PPFIA4: variants seen among roughly 807,000 people sequenced by gnomAD.
The protein encoded by PPFIA4 is PPFI scaffold protein A4, also known as liprin-alpha-4.
In PPFIA4, 98 loss-of-function variants were observed where a neutral mutation model predicts 145.7. That is an observed-to-expected ratio of 0.67 (90% CI 0.57 to 0.80). The LOEUF (loss-of-function observed/expected upper bound fraction) is 0.80, where lower values mean the gene tolerates loss of function less well. PPFIA4 is among the 30% of genes least tolerant of loss of function. The probability of loss-of-function intolerance (pLI) is 0.00; values close to 1 mark genes in which losing one functional copy is unlikely to be tolerated. For missense variants in PPFIA4, 1,457 were observed against 1,632.7 expected (o/e 0.89, Z 1.85); for synonymous variants, 628 against 649.6 (o/e 0.97, Z 0.51).
intron 23 of PPFIA4, 59 bp from the exon 24 acceptor site, chr1:203,061,593 G>T: frequency 6.6e-7 from 1 of 1,520,126 alleles, no homozygotes; most frequent in South Asian, 1.2e-5. Flanking sequence ...CTAGGGTAGA[G>T]CTGATGGGTT....
chr1:203,029,288 G>T lies in PPFIA4; in HGVS notation c.-400+2659G>T, dbSNP rs529148340. Among the ~76,000 whole-genome samples the T allele has an allele frequency of 3.9e-5, 6 of 152,342 alleles. No homozygotes were observed. In the South Asian group the frequency reaches 1.2e-3, roughly 32 times the overall value. On this transcript the variant is annotated intron_variant, in intron 1 of 29. Coordinates refer to ENST00000295706, the MANE Select transcript of PPFIA4 (RefSeq NM_001304331.2). ...GTCTCCATCCCCCCAGGTGAAGTCAGCTGTAGCGTGGAATAGCCATCTGCC... is the reference window on the plus strand; with the variant it reads ...GTCTCCATCCCCCCAGGTGAAGTCATCTGTAGCGTGGAATAGCCATCTGCC...
chr1:203,064,853 G>C (rs1014448402), intron 25 of PPFIA4, among the ~76,000 whole-genome samples: 4 of 152,216 alleles, frequency 2.6e-5, no homozygotes, highest in Admixed American at 2.0e-4. Flanking sequence ...TTCCCAGCAG[G>C]CATTTGTGCT....
At position 203,060,960 on chromosome 1, in the gene PPFIA4, C is replaced by G; in HGVS notation, c.2785-10C>G. 1 of 1,613,910 alleles carries G rather than the reference C, an allele frequency of 6.2e-7. No individual in the cohort carries two copies. The highest frequency in any genetic ancestry group is 8.5e-7 in the Non-Finnish European group (1 of 1,179,838). On this transcript the variant is annotated splice_polypyrimidine_tract_variant and intron_variant, in intron 22 of 29. Transcript: ENST00000295706. This position sits in a 1 kb window ranked among gnomAD's most constrained non-coding sequence, Gnocchi z 4.8. The stretch of plus-strand genomic sequence containing the variant: ...ACCCAGGACCAGCTAGGTTTCCTCT[C>G]TGCCTGCAGTCTTCTGGGAATGTCT...
At chr1:203,053,580 T>C (rs1419139881) in intron 14 of PPFIA4, 173 bp from the exon 15 acceptor site, 3 of 609,552 alleles carry the variant, frequency 4.9e-6, no homozygotes, top group Non-Finnish European at 8.6e-6. Flanking sequence ...CACCCAGGGG[T>C]CTTGTTAAAA....
At position 203,038,979 on chromosome 1, in the gene PPFIA4, G is replaced by A. The variant is rs1417515484; in HGVS notation, c.-30G>A. 2 of 1,263,348 alleles carry A rather than the reference G, an allele frequency of 1.6e-6. No individual in the cohort carries two copies. Among genetic ancestry groups the A allele is most frequent in the South Asian group, 2.7e-5 (2 of 73,222 alleles). 78.3% of individuals were successfully genotyped at this position (1,263,348 alleles called of 1,614,324 possible). ...CCCTGTGAGTCCCTCCCTGTCCCCT[G>A]ACGCTGAGAAGGCCCTGCCAACCCC... On this transcript the variant is annotated 5_prime_UTR_variant, in exon 2 of 30. Coordinates refer to ENST00000295706, the MANE Select transcript of PPFIA4 (RefSeq NM_001304331.2).
At chr1:203,059,993 C>A in intron 21 of PPFIA4, 142 bp downstream of exon 21, 1 of 798,896 alleles carries the variant, frequency 1.3e-6, no homozygotes, top group South Asian at 1.6e-5. Flanking sequence ...TTTAGCCCCC[C>A]TCCCCCTCCC....
Position 203,049,655 on chromosome 1 carries a change from AC to A in PPFIA4, c.1420-17del. The stretch of plus-strand genomic sequence containing the variant: ...CTCCCTGGCCCCCACTCCCGCCCCC[AC>A]CCCGGGTCTGCTGGCACAGGGCCGC... On this transcript the variant is annotated intron_variant, in intron 12 of 29. Transcript: ENST00000295706. The A allele has an allele frequency of 1.7e-6, 1 of 579,420 alleles. No homozygotes were observed. Among genetic ancestry groups the A allele is most frequent in the Non-Finnish European group, 2.4e-6 (1 of 409,748 alleles). The allele number at this position is 579,420 out of a possible 1,614,324, so 35.9% of individuals were successfully genotyped here.
At chr1:203,061,220 C>T (rs1416680175) in intron 23 of PPFIA4, 188 bp downstream of exon 23, 2 of 624,046 alleles carry the variant, frequency 3.2e-6, no homozygotes, top group East Asian at 5.5e-5. Flanking sequence ...GGGAGCGGAG[C>T]AGTTTGTATG....
At chr1:203,041,632 G>A (rs1659700463) in intron 2 of PPFIA4, among the ~76,000 whole-genome samples, 1 of 152,182 alleles carries the variant, frequency 6.6e-6, no homozygotes, top group Admixed American at 6.5e-5. Flanking sequence ...TTTGTAGACA[G>A]CAGGGTGTCA....
At chr1:203,051,712 G>C in intron 13 of PPFIA4, 57 bp from the exon 14 acceptor site, 1 of 1,556,120 alleles carries the variant, frequency 6.4e-7, no homozygotes, top group Non-Finnish European at 8.7e-7. Flanking sequence ...CACTGGGTGT[G>C]AGCTGGGGGT....
intron 1 of PPFIA4, among the ~76,000 whole-genome samples, chr1:203,033,244 G>T (rs1658977813): frequency 6.6e-6 from 1 of 152,224 alleles, no homozygotes; most frequent in Admixed American, 6.5e-5. Flanking sequence ...GAGGGGTAAA[G>T]TCTCACTGCT....
chr1:203,045,682 G>C lies in PPFIA4; in HGVS notation c.858+123G>C, dbSNP rs1660029573. 7 of 1,448,840 alleles carry C rather than the reference G, an allele frequency of 4.8e-6. No individual in the cohort carries two copies. The South Asian group carries it at 6.9e-5, about 14-fold the overall frequency. 89.7% of individuals were successfully genotyped at this position (1,448,840 alleles called of 1,614,324 possible). On this transcript the variant is annotated intron_variant, in intron 7 of 29. Transcript: ENST00000295706. ...CCTTGCCTGGCTCCATTGTTGGGGG[G>C]CGGTCATGGAAGGGGTGGGCCAAAG...
At position 203,038,718 on chromosome 1, in the gene PPFIA4, C is replaced by T. The variant is rs1659478311; in HGVS notation, c.-291C>T. 2 of 257,772 alleles carry T rather than the reference C, an allele frequency of 7.8e-6. No homozygotes were observed. The highest frequency in any genetic ancestry group is 1.5e-5 in the Non-Finnish European group (2 of 134,782). 16.0% of individuals were successfully genotyped at this position (257,772 alleles called of 1,614,324 possible). A position where few individuals can be genotyped will look rare whatever the true frequency, so the allele number is the denominator to read the frequency against. Reference sequence around the variant, plus strand: ...CCATCTTCCAGCCCTGCTGTCCCTGCCTGTCATGGCCACATTCGGCTGCTG... The same window carrying T: ...CCATCTTCCAGCCCTGCTGTCCCTGTCTGTCATGGCCACATTCGGCTGCTG... On this transcript the variant is annotated 5_prime_UTR_variant, in exon 2 of 30. Coordinates refer to ENST00000295706, the MANE Select transcript of PPFIA4 (RefSeq NM_001304331.2).
rs943771394 is a variant in PPFIA4, at chr1:203,060,879, G to A, written c.2785-91G>A. 17 of 1,157,830 alleles carry A rather than the reference G, an allele frequency of 1.5e-5. No individual in the cohort carries two copies. Among genetic ancestry groups the A allele is most frequent in the Non-Finnish European group, 2.2e-5 (17 of 773,112 alleles). 71.7% of individuals were successfully genotyped at this position (1,157,830 alleles called of 1,614,324 possible). A position where few individuals can be genotyped will look rare whatever the true frequency, so the allele number is the denominator to read the frequency against. On this transcript the variant is annotated intron_variant, in intron 22 of 29. Transcript: ENST00000295706. The surrounding 1 kb of genome is among the most constrained non-coding windows in gnomAD (Gnocchi z 4.8). ...CCCCCATTTCAGAGGACTCAGGGAG[G>A]GAGCTTTGTCCTTGTCCTTTGGGCT...
At chr1:203,036,424 T>C (rs896680174) in intron 1 of PPFIA4, among the ~76,000 whole-genome samples, 1 of 152,178 alleles carries the variant, frequency 6.6e-6, no homozygotes, top group Non-Finnish European at 1.5e-5. Context: ...GCTGGGGCCA[T>C]TCCTGGGATA....
At chr1:203,072,808 GA>G (rs573814415) in intron 28 of PPFIA4, among the ~76,000 whole-genome samples, 27 of 152,310 alleles carry the variant, frequency 1.8e-4, no homozygotes, top group African/African-American at 5.1e-4. Flanking sequence ...GAGGTACCTT[GA>G]AGTTTGGGAG....
At chr1:203,056,670 C>G in intron 18 of PPFIA4, 114 bp from the exon 19 acceptor site, 2 of 1,291,098 alleles carry the variant, frequency 1.5e-6, no homozygotes, top group Non-Finnish European at 2.2e-6. Context: ...TCCTTTTCCC[C>G]CATCCCAGTT....
intron 28 of PPFIA4, among the ~76,000 whole-genome samples, chr1:203,074,509 A>G (rs1229067552): frequency 6.6e-6 from 1 of 152,144 alleles, no homozygotes; most frequent in African/African-American, 2.4e-5. Flanking sequence ...TAAAAATGCT[A>G]CTAGGATGAG....
At position 203,052,020 on chromosome 1, in the gene PPFIA4, G is replaced by A. The variant is rs566426092; in HGVS notation, c.1620+143G>A. 104 of 874,546 alleles carry A rather than the reference G, an allele frequency of 1.2e-4. No homozygotes were observed. The South Asian group carries it at 1.8e-3, about 15-fold the overall frequency. The allele number at this position is 874,546 out of a possible 1,614,324, so 54.2% of individuals were successfully genotyped here. A position where few individuals can be genotyped will look rare whatever the true frequency, so the allele number is the denominator to read the frequency against. On this transcript the variant is annotated intron_variant, in intron 14 of 29. Transcript: ENST00000295706. Reference sequence around the variant, plus strand: ...ATGACAGCTGCAGCCCTGGGGTTGAGGCCATCGTCAGCTGCAACAGCTGTG... The same window carrying A: ...ATGACAGCTGCAGCCCTGGGGTTGAAGCCATCGTCAGCTGCAACAGCTGTG...
Sources: gnomAD v4.1 joint callset for allele counts (sites outside exome capture counted in the v4.1 genomes callset) on GRCh38, gnomAD v4.1.1 for gene constraint, Gnocchi (gnomAD v3.1) non-coding constraint, MANE v1.5 for transcripts, NCBI Gene and HGNC (gene_info 2026-07-23, HGNC 2026-07-21) for gene names.